The following CNTN5 variants were observed in gnomAD, a reference collection of about 807,000 sequenced individuals.
CNTN5 encodes the protein contactin 5.
A neutral mutation model predicts 129.1 loss-of-function variants in CNTN5; 77 were observed. That is an observed-to-expected ratio of 0.60 (90% CI 0.50 to 0.72). The LOEUF (loss-of-function observed/expected upper bound fraction) is 0.72. CNTN5 is among the 30% of genes least tolerant of loss of function. CNTN5 has a pLI of 0.00. For missense variants in CNTN5, 1,478 were observed against 1,328.8 expected (o/e 1.11, Z -1.75); for synonymous variants, 509 against 465.6 (o/e 1.09, Z -1.20).
Position 99,943,853 on chromosome 11 carries a change from G to A in CNTN5, c.674-12953G>A, listed in dbSNP as rs140735315. ...AAAATCAGCTGGTTGTAGATGTGTG[G>A]TGTTATTTCTGAGGCCTCTGTTCTG... On this transcript the variant is annotated intron_variant, in intron 7 of 24. Transcript: ENST00000524871. Among the ~76,000 whole-genome samples, 166 of 152,132 alleles carry A rather than the reference G, an allele frequency of 1.1e-3. 1 individual carries two copies. The highest frequency in any genetic ancestry group is 3.9e-3 in the African/African-American group (162 of 41,532).
intron 13 of CNTN5, among the ~76,000 whole-genome samples, chr11:100,124,332 CT>C (rs1038077463): frequency 2.0e-5 from 3 of 151,952 alleles, no homozygotes; most frequent in Admixed American, 6.6e-5. Flanking sequence ...TGCAATATAT[CT>C]TTTTTTCTGT....
intron 8 of CNTN5, among the ~76,000 whole-genome samples, chr11:99,973,527 T>C (rs997995807): frequency 6.6e-6 from 1 of 152,194 alleles, no homozygotes; most frequent in African/African-American, 2.4e-5. Flanking sequence ...TAATATGCTC[T>C]ACCTGATTTT....
At chr11:100,112,032 C>G (rs996790868) in intron 13 of CNTN5, among the ~76,000 whole-genome samples, 1 of 152,180 alleles carries the variant, frequency 6.6e-6, no homozygotes, top group Non-Finnish European at 1.5e-5. Flanking sequence ...AATATTCTGA[C>G]TCTATCCTTT....
chr11:100,141,383 A>ATG (rs2099128935), intron 13 of CNTN5, among the ~76,000 whole-genome samples: 1 of 149,088 alleles, frequency 6.7e-6, no homozygotes, highest in Non-Finnish European at 1.5e-5. Flanking sequence ...TGAGGAACAC[A>ATG]CGAACAGTTG....
At chr11:99,928,379 C>G in intron 7 of CNTN5, among the ~76,000 whole-genome samples, 1 of 152,198 alleles carries the variant, frequency 6.6e-6, no homozygotes, top group East Asian at 1.9e-4. Context: ...CCACATTTGC[C>G]TTCCACACTG....
At chr11:99,763,093 C>A (rs1255765087) in intron 3 of CNTN5, among the ~76,000 whole-genome samples, 1 of 151,832 alleles carries the variant, frequency 6.6e-6, no homozygotes, top group Non-Finnish European at 1.5e-5. Context: ...AAACATAACA[C>A]ATTTTCTGAT....
At chr11:99,601,503 T>A (rs1039240989) in intron 3 of CNTN5, among the ~76,000 whole-genome samples, 2 of 152,206 alleles carry the variant, frequency 1.3e-5, no homozygotes, top group Non-Finnish European at 1.5e-5. Context: ...AAATATCCCT[T>A]GAGAGTAAGA....
intron 8 of CNTN5, among the ~76,000 whole-genome samples, chr11:99,993,890 G>C (rs1253958220): frequency 6.6e-6 from 1 of 152,128 alleles, no homozygotes; most frequent in African/African-American, 2.4e-5. Context: ...CACTCTTAGT[G>C]TGATGAGAAA....
chr11:99,528,294 A>G (rs1396052185), intron 2 of CNTN5, among the ~76,000 whole-genome samples: 1 of 152,210 alleles, frequency 6.6e-6, no homozygotes, highest in Non-Finnish European at 1.5e-5. Flanking sequence ...ATGGTAACAT[A>G]TTTTTGCAAG....
chr11:99,218,711 T>C (rs897072912), intron 1 of CNTN5, among the ~76,000 whole-genome samples: 1 of 152,150 alleles, frequency 6.6e-6, no homozygotes. Context: ...AACCCTGAAT[T>C]TGCAGCTGGT....
At chr11:99,175,733 G>A (rs1400479170) in intron 1 of CNTN5, among the ~76,000 whole-genome samples, 5 of 151,970 alleles carry the variant, frequency 3.3e-5, no homozygotes, top group Non-Finnish European at 7.4e-5. Flanking sequence ...AAAAATTATA[G>A]AGGGGTCAGA....
At chr11:99,886,163 A>G (rs2135881661) in intron 6 of CNTN5, among the ~76,000 whole-genome samples, 1 of 152,210 alleles carries the variant, frequency 6.6e-6, no homozygotes, top group Non-Finnish European at 1.5e-5. Context: ...ATCTTGAACT[A>G]GGGAAAACTA....
At chr11:100,193,268 C>G (rs1948545478) in intron 14 of CNTN5, among the ~76,000 whole-genome samples, 4 of 151,890 alleles carry the variant, frequency 2.6e-5, no homozygotes, top group Admixed American at 2.6e-4. Context: ...AAGTCACATT[C>G]TTAATAGGAA....
At chr11:99,870,497 TA>T (rs1948475906) in intron 6 of CNTN5, among the ~76,000 whole-genome samples, 1 of 152,116 alleles carries the variant, frequency 6.6e-6, no homozygotes, top group Admixed American at 6.6e-5. Context: ...AATAAACTGA[TA>T]TAGTATTTAA....
intron 16 of CNTN5, among the ~76,000 whole-genome samples, chr11:100,251,866 G>A (rs984776880): frequency 1.3e-5 from 2 of 152,114 alleles, no homozygotes; most frequent in African/African-American, 4.8e-5. Context: ...TGTGAATAAT[G>A]CTGCAATAAA....
intron 1 of CNTN5, among the ~76,000 whole-genome samples, chr11:99,324,516 T>A (rs893350702): frequency 6.6e-6 from 1 of 152,144 alleles, no homozygotes; most frequent in African/African-American, 2.4e-5. Context: ...AGATTCTTAT[T>A]TGAAATATAT....
intron 8 of CNTN5, among the ~76,000 whole-genome samples, chr11:99,971,532 A>T (rs1591504400): frequency 6.6e-6 from 1 of 151,644 alleles, no homozygotes; most frequent in Middle Eastern, 3.4e-3. Context: ...ACAGAGTGAC[A>T]CTCCGTCACA....
intron 3 of CNTN5, among the ~76,000 whole-genome samples, chr11:99,567,703 A>G (rs1362252314): frequency 6.6e-6 from 1 of 152,210 alleles, no homozygotes; most frequent in Non-Finnish European, 1.5e-5. Context: ...TCAAATTAAA[A>G]TTATGTATTT....
intron 15 of CNTN5, among the ~76,000 whole-genome samples, chr11:100,199,758 AAT>A (rs1948730647): frequency 6.6e-6 from 1 of 151,944 alleles, no homozygotes; most frequent in Non-Finnish European, 1.5e-5. Context: ...GAATATGATC[AAT>A]ATATGCCATT....
Sources: allele counts gnomAD v4.1 joint callset (sites outside exome capture counted in the v4.1 genomes callset), GRCh38; gene constraint gnomAD v4.1.1; transcripts MANE v1.5; gene names NCBI Gene and HGNC (gene_info 2026-07-23, HGNC 2026-07-21).